Variants in CTNNA3 observed in about 807,000 individuals in gnomAD.
The protein encoded by CTNNA3 is catenin alpha-3.
A neutral mutation model predicts 95.7 loss-of-function variants in CTNNA3; 76 were observed. The ratio of observed to expected loss-of-function variants is 0.79; its 90% CI spans 0.66 to 0.96. CTNNA3 has a LOEUF of 0.96. CTNNA3 is among the 40% of genes least tolerant of loss of function. The probability of loss-of-function intolerance (pLI) is 0.00; values close to 1 mark genes in which losing one functional copy is unlikely to be tolerated. For missense variants in CTNNA3, 1,191 were observed against 1,089.8 expected, an observed-to-expected ratio of 1.09 and a Z score of -1.31; for synonymous variants, 431 against 374.4, an observed-to-expected ratio of 1.15 and a Z score of -1.74.
chr10:66,084,698 T>C (rs955485370), intron 14 of CTNNA3, among the ~76,000 whole-genome samples: 1 of 152,148 alleles, frequency 6.6e-6, no homozygotes, highest in African/African-American at 2.4e-5. Context: ...ATTCATTTAA[T>C]AAATCCCCAA....
At chr10:67,243,413 C>T (rs958838490) in intron 5 of CTNNA3, among the ~76,000 whole-genome samples, 2 of 152,120 alleles carry the variant, frequency 1.3e-5, no homozygotes, top group Non-Finnish European at 2.9e-5. Context: ...CACGTGAACA[C>T]AAGGGAGATG....
chr10:65,920,322 T>C lies in CTNNA3; in HGVS notation c.*8A>G, dbSNP rs190581449. On this transcript the variant is annotated 3_prime_UTR_variant, in exon 18 of 18. Coordinates refer to ENST00000433211, the MANE Select transcript of CTNNA3 (RefSeq NM_013266.4). ...TGTCATATAGGCACTATATGTAGAATAGTGGTTTCAGTAGATTTGTCTTCC... is the reference window on the plus strand; with the variant it reads ...TGTCATATAGGCACTATATGTAGAACAGTGGTTTCAGTAGATTTGTCTTCC... 1.6e-5 allele frequency: 26 copies of C among 1,611,442 alleles called. No individual in the cohort carries two copies. The Admixed American group carries it at 2.8e-4, about 18-fold the overall frequency.
At chr10:67,537,392 T>C (rs1251607950) in intron 4 of CTNNA3, among the ~76,000 whole-genome samples, 6 of 152,212 alleles carry the variant, frequency 3.9e-5, no homozygotes, top group Non-Finnish European at 8.8e-5. Flanking sequence ...GTTATAAGAA[T>C]TGAATTAAAA....
At chr10:67,154,358 A>G (rs1861207353) in intron 7 of CTNNA3, among the ~76,000 whole-genome samples, 1 of 152,184 alleles carries the variant, frequency 6.6e-6, no homozygotes, top group Admixed American at 6.5e-5. Context: ...CTGCTAAACT[A>G]GAATTCATAT....
intron 9 of CTNNA3, among the ~76,000 whole-genome samples, chr10:66,734,953 CA>C (rs1849084933): frequency 6.6e-6 from 1 of 150,558 alleles, no homozygotes; most frequent in Non-Finnish European, 1.5e-5. Flanking sequence ...GCTAGCTTTG[CA>C]AAAAGTTCTT....
intron 5 of CTNNA3, among the ~76,000 whole-genome samples, chr10:67,246,278 C>G (rs1179855553): frequency 6.6e-6 from 1 of 152,136 alleles, no homozygotes. Flanking sequence ...TTCAATCCAC[C>G]CTGGTGCATA....
intron 10 of CTNNA3, among the ~76,000 whole-genome samples, chr10:66,597,477 G>A (rs1843747879): frequency 7.8e-6 from 1 of 128,726 alleles, no homozygotes; most frequent in Non-Finnish European, 1.6e-5. Context: ...AGGAGTTAAA[G>A]GTCAGCCTGG....
At chr10:67,249,115 A>G (rs1431369483) in intron 5 of CTNNA3, among the ~76,000 whole-genome samples, 2 of 152,188 alleles carry the variant, frequency 1.3e-5, no homozygotes, top group Non-Finnish European at 2.9e-5. Context: ...AAAACTAAAA[A>G]ATTTTGCTTA....
At chr10:66,268,681 ATTTC>A (rs1288207488) in intron 13 of CTNNA3, among the ~76,000 whole-genome samples, 1 of 152,136 alleles carries the variant, frequency 6.6e-6, no homozygotes, top group African/African-American at 2.4e-5. Flanking sequence ...CATCAGTCCT[ATTTC>A]TTCTTAGGCA....
At chr10:66,866,013 G>A (rs1844160826) in intron 7 of CTNNA3, among the ~76,000 whole-genome samples, 1 of 151,882 alleles carries the variant, frequency 6.6e-6, no homozygotes, top group Admixed American at 6.6e-5. Flanking sequence ...CCTAAATATG[G>A]AATCACAGAA....
At chr10:66,018,187 T>TACACACACAC (rs59373779) in intron 15 of CTNNA3, among the ~76,000 whole-genome samples, 23,758 of 141,958 alleles carry the variant, frequency 0.17, 2,093 homozygotes, top group Admixed American at 0.22. Flanking sequence ...ACAGCTCAAA[T>TACACACACAC]ACACACACAC....
chr10:66,751,746 A>T (rs2132729727), intron 9 of CTNNA3, among the ~76,000 whole-genome samples: 1 of 152,320 alleles, frequency 6.6e-6, no homozygotes, highest in African/African-American at 2.4e-5. Context: ...TAGTTTATAC[A>T]TCAAATCAGT....
At chr10:66,445,729 C>G (rs2093415333) in intron 11 of CTNNA3, among the ~76,000 whole-genome samples, 1 of 151,178 alleles carries the variant, frequency 6.6e-6, no homozygotes, top group African/African-American at 2.4e-5. Context: ...CAGGAAAGAT[C>G]CAAAATTGAC....
At chr10:67,114,509 A>AT (rs1388156124) in intron 7 of CTNNA3, among the ~76,000 whole-genome samples, 2 of 151,980 alleles carry the variant, frequency 1.3e-5, no homozygotes, top group Admixed American at 6.6e-5. Context: ...GTCTCTGTAG[A>AT]TTTTTTTTAT....
chr10:66,125,623 A>G (rs549489411), intron 13 of CTNNA3, among the ~76,000 whole-genome samples: 1 of 152,356 alleles, frequency 6.6e-6, no homozygotes, highest in Non-Finnish European at 1.5e-5. Flanking sequence ...AGCATCATTT[A>G]AAAGACAGAG....
intron 2 of CTNNA3, among the ~76,000 whole-genome samples, chr10:67,638,212 T>A (rs1472318279): frequency 6.6e-6 from 1 of 152,156 alleles, no homozygotes; most frequent in Admixed American, 6.5e-5. Flanking sequence ...GGGGTTGCAA[T>A]CCTAGTCTCT....
chr10:67,423,692 A>G (rs999834250), intron 5 of CTNNA3, among the ~76,000 whole-genome samples: 19 of 152,186 alleles, frequency 1.2e-4, no homozygotes, highest in African/African-American at 3.1e-4. Flanking sequence ...ATAGTAATAC[A>G]TGAGACAAAG....
intron 13 of CTNNA3, among the ~76,000 whole-genome samples, chr10:66,201,794 T>C (rs1416159795): frequency 7.0e-6 from 1 of 143,800 alleles, no homozygotes; most frequent in Non-Finnish European, 1.5e-5. Context: ...TTTTTTTTTT[T>C]TTTTTTTTTT....
intron 11 of CTNNA3, among the ~76,000 whole-genome samples, chr10:66,491,655 GA>G (rs1388596247): frequency 6.6e-6 from 1 of 152,046 alleles, no homozygotes; most frequent in Non-Finnish European, 1.5e-5. Context: ...ATGGATTAGG[GA>G]AAAATTTGTC....
Sources: gnomAD v4.1 joint callset for allele counts (sites outside exome capture counted in the v4.1 genomes callset) on GRCh38, gnomAD v4.1.1 for gene constraint, MANE v1.5 for transcripts, NCBI Gene and HGNC (gene_info 2026-07-23, HGNC 2026-07-21) for gene names.